LRP5: variants seen among roughly 807,000 people sequenced by gnomAD.
The protein encoded by LRP5 is LDL receptor related protein 5, also known as low-density lipoprotein receptor-related protein 5.
Under a neutral mutation model 154.1 loss-of-function variants are expected in LRP5, and 62 were observed. The observed-to-expected ratio is 0.40, with a 90% CI of 0.33 to 0.50. The LOEUF (loss-of-function observed/expected upper bound fraction) is 0.50, where lower values mean the gene tolerates loss of function less well. Ranked by LOEUF, LRP5 falls within the 20% of genes least tolerant of loss-of-function variation. LRP5 has a pLI of 0.55. For missense variants in LRP5, 1,915 were observed against 2,336.7 expected (o/e 0.82, Z 3.72); for synonymous variants, 966 against 1,011.5 (o/e 0.96, Z 0.85).
chr11:68,443,581 A>ATTTTT (rs1393479461), intron 21 of LRP5, among the ~76,000 whole-genome samples: 1 of 36,814 alleles, frequency 2.7e-5, no homozygotes, highest in Non-Finnish European at 4.9e-5. Context: ...ATATATATAT[A>ATTTTT]TATATTTTTT....
At chr11:68,438,875 A>G (rs944208538) in intron 20 of LRP5, among the ~76,000 whole-genome samples, 193 bp downstream of exon 20, 5 of 152,242 alleles carry the variant, frequency 3.3e-5, no homozygotes, top group Admixed American at 1.3e-4. Flanking sequence ...AGAGGCCTGC[A>G]TGGCTGTAGC....
chr11:68,409,769 G>C, intron 9 of LRP5, 145 bp from the exon 10 acceptor site: 1 of 718,850 alleles, frequency 1.4e-6, no homozygotes, highest in Non-Finnish European at 2.5e-6. Context: ...AGAATCGCTT[G>C]AACCCAGGGG....
In LRP5 at chr11:68,446,542, TC is replaced by T. The variant is rs764224716; in HGVS notation, c.4586+13del. The T allele has an allele frequency of 1.2e-6, 2 of 1,608,986 alleles. No homozygotes were observed. Among genetic ancestry groups the T allele is most frequent in the Admixed American group, 3.3e-5 (2 of 60,006 alleles). On this transcript the variant is annotated intron_variant, in intron 22 of 22. Coordinates refer to ENST00000294304, the MANE Select transcript of LRP5 (RefSeq NM_002335.4). Reference sequence around the variant, plus strand: ...ACTGCGAGACCGTACAGGTAGGACATCCCCTGCAGCCCTCCATGGCCATTGG... The same window carrying T: ...ACTGCGAGACCGTACAGGTAGGACATCCCTGCAGCCCTCCATGGCCATTGG...
intron 8 of LRP5, chr11:68,404,475 C>A (rs2098654393): frequency 1.0e-5 from 5 of 492,424 alleles, no homozygotes; most frequent in Non-Finnish European, 2.0e-5. Context: ...AGATCCCCGG[C>A]TTTAAAATAC....
Position 68,423,713 on chromosome 11 carries a change from G to A in LRP5, c.3236+16G>A. 6.3e-7 allele frequency: 1 copy of A among 1,584,742 alleles called. No homozygotes were observed. On this transcript the variant is annotated intron_variant, in intron 14 of 22. Coordinates refer to ENST00000294304, the MANE Select transcript of LRP5 (RefSeq NM_002335.4). The surrounding 1 kb of genome is among the most constrained non-coding windows in gnomAD (Gnocchi z 4.7). ...CGGAGCGAGGGTAGGAGGCCAACGG[G>A]TGGGTGGGGGTGCTGCCCGTCCAGG... is the stretch of plus-strand genomic sequence containing the variant.
At chr11:68,304,619 T>C in the LRP5 span, among the ~76,000 whole-genome samples, 1 of 152,204 alleles carries the variant, frequency 6.6e-6, no homozygotes, top group Admixed American at 6.5e-5. Context: ...TCATCTCCAA[T>C]CTGTAAGAGC....
Position 68,312,804 on chromosome 11 carries a change from G to T in LRP5, c.90G>T (p.Ala30=). 1 of 1,071,762 alleles carries T rather than the reference G, an allele frequency of 9.3e-7. No homozygotes were observed. Among genetic ancestry groups the T allele is most frequent in the Non-Finnish European group, 1.1e-6 (1 of 882,812 alleles). 66.4% of individuals were successfully genotyped at this position (1,071,762 alleles called of 1,614,324 possible). The change falls in exon 1 of 23, where the codon GCG becomes GCT. Residue 30 remains alanine (A), a splice_region_variant and synonymous_variant. Transcript: ENST00000294304. ...TGTGCGGCTGCCCGGCCCCCGCCGC[G>T]GGTAGGTGGGCGCAGGCCGGCCGGG... ...LALCGCPAPA[A]ASPLLLFANR...
chr11:68,370,628 C>T (rs2098633541), intron 5 of LRP5, among the ~76,000 whole-genome samples: 1 of 152,228 alleles, frequency 6.6e-6, no homozygotes, highest in African/African-American at 2.4e-5. Context: ...TCCACGCTCC[C>T]TAGAGACTCA....
chr11:68,436,107 C>T (rs1352304983), intron 18 of LRP5, among the ~76,000 whole-genome samples: 9 of 152,224 alleles, frequency 5.9e-5, no homozygotes, highest in Non-Finnish European at 1.3e-4. Context: ...CTTCTCCTCC[C>T]GTGTGCCCCG....
intron 7 of LRP5, among the ~76,000 whole-genome samples, chr11:68,397,147 G>C (rs985171462): frequency 6.6e-6 from 1 of 152,094 alleles, no homozygotes; most frequent in Non-Finnish European, 1.5e-5. Flanking sequence ...TGTCCCCTCA[G>C]GACCAAGCCC....
chr11:68,410,282 C>A, intron 10 of LRP5, 142 bp downstream of exon 10: 1 of 753,926 alleles, frequency 1.3e-6, no homozygotes, highest in Non-Finnish European at 2.3e-6. Context: ...TGATGGTGGC[C>A]AGGACTGGTA....
intron 1 of LRP5, among the ~76,000 whole-genome samples, chr11:68,313,388 C>T (rs2098590244): frequency 6.6e-6 from 1 of 152,188 alleles, no homozygotes; most frequent in African/African-American, 2.4e-5. Flanking sequence ...CCCGAATGCC[C>T]CGTGTGGCCG....
intron 18 of LRP5, 72 bp downstream of exon 18, chr11:68,433,910 TC>T: frequency 6.9e-7 from 1 of 1,451,686 alleles, no homozygotes; most frequent in South Asian, 1.2e-5. Flanking sequence ...TGGGGCTGCC[TC>T]CGGCCTCACA....
At chr11:68,388,429 T>A (rs2098644217) in intron 6 of LRP5, among the ~76,000 whole-genome samples, 1 of 151,820 alleles carries the variant, frequency 6.6e-6, no homozygotes, top group South Asian at 2.1e-4. Flanking sequence ...CAGTCTGACC[T>A]GTGAGGTCGT....
chr11:68,427,975 T>TTTATTTATTTA (rs1565105942), intron 16 of LRP5, among the ~76,000 whole-genome samples: 4 of 43,440 alleles, frequency 9.2e-5, no homozygotes, highest in East Asian at 1.1e-3. Flanking sequence ...ATTTTATTTT[T>TTTATTTATTTA]TTTATTTATT....
At chr11:68,376,653 C>T (rs565335112) in intron 5 of LRP5, among the ~76,000 whole-genome samples, 240 of 152,330 alleles carry the variant, frequency 1.6e-3, no homozygotes, top group Non-Finnish European at 3.1e-3. Context: ...CGCAGCCATG[C>T]GTCAGGCTGG....
intron 3 of LRP5, 104 bp from the exon 4 acceptor site, chr11:68,363,643 C>G (rs1351870383): frequency 1.1e-6 from 1 of 944,666 alleles, no homozygotes; most frequent in Admixed American, 2.0e-5. Flanking sequence ...GGCGACAGAC[C>G]GAGACTCCAT....
At chr11:68,334,352 A>G (rs551920198) in intron 1 of LRP5, among the ~76,000 whole-genome samples, 1 of 152,314 alleles carries the variant, frequency 6.6e-6, no homozygotes, top group East Asian at 1.9e-4. Context: ...GAGGTGACTG[A>G]CAGCAGAGGC....
In LRP5 at chr11:68,339,221, GC is replaced by G. The variant is rs545992023; in HGVS notation, c.92-8625del. Among the ~76,000 whole-genome samples the G allele has an allele frequency of 2.5e-3, 387 of 152,052 alleles. 1 individual carries two copies. The highest frequency in any genetic ancestry group is 4.3e-3 in the Admixed American group (66 of 15,274). ...GACAGAGTCTCCTTCTGTCACACAG[GC>G]TGGAGCGCAGTGGCACAATCTCAGC... On this transcript the variant is annotated intron_variant, in intron 1 of 22. Transcript: ENST00000294304.
Sources: allele counts gnomAD v4.1 joint callset (sites outside exome capture counted in the v4.1 genomes callset), GRCh38; gene constraint gnomAD v4.1.1; non-coding constraint Gnocchi (gnomAD v3.1); transcripts MANE v1.5; gene names NCBI Gene and HGNC (gene_info 2026-07-23, HGNC 2026-07-21).